The following INPP5A variants were observed in gnomAD, a reference collection of about 807,000 sequenced individuals.
The protein encoded by INPP5A is inositol polyphosphate-5-phosphatase A.
Under a neutral mutation model 65.2 loss-of-function variants are expected in INPP5A, and 14 were observed. The ratio of observed to expected loss-of-function variants is 0.21; its 90% confidence interval spans 0.14 to 0.34. The LOEUF is 0.34. Ranked by LOEUF, INPP5A falls within the 10% of genes least tolerant of loss-of-function variation. The pLI is 1.00. For missense variants in INPP5A, 431 were observed against 545.6 expected, an observed-to-expected ratio of 0.79 and a Z score of 2.09; for synonymous variants, 207 against 208.3, an observed-to-expected ratio of 0.99 and a Z score of 0.05.
intron 8 of INPP5A, among the ~76,000 whole-genome samples, chr10:132,716,138 G>C (rs1268178745): frequency 6.6e-6 from 1 of 152,244 alleles, no homozygotes; most frequent in African/African-American, 2.4e-5. Context: ...TGCAGGGGCA[G>C]CGCCTGCACC....
chr10:132,546,247 C>T lies in INPP5A; in HGVS notation c.75+8076C>T, dbSNP rs1389211300. On this transcript the variant is annotated intron_variant, in intron 1 of 15. Transcript: ENST00000368594. This position sits in a 1 kb window ranked among gnomAD's most constrained non-coding sequence, Gnocchi z 5.7. ...CGCTCCCAGCCCGCGGGGGTCTTGG[C>T]GTTGGCGCAGAAGTGGTTTCCCAGC... 2.0e-5 allele frequency among the ~76,000 whole-genome samples: 3 copies of T among 152,310 alleles called. No individual in the cohort carries two copies. Among genetic ancestry groups the T allele is most frequent in the East Asian group, 3.9e-4 (2 of 5,176 alleles).
At chr10:132,573,413 T>G (rs556678983) in intron 1 of INPP5A, among the ~76,000 whole-genome samples, 31 of 115,812 alleles carry the variant, frequency 2.7e-4, no homozygotes, top group East Asian at 1.1e-3. Flanking sequence ...GCGTGCCGTG[T>G]GAGGTTTTGT....
At chr10:132,710,555 G>A (rs1173800939) in intron 8 of INPP5A, 99 bp downstream of exon 8, 2 of 1,509,988 alleles carry the variant, frequency 1.3e-6, no homozygotes, top group African/African-American at 1.4e-5. Context: ...AAGTAGGTAT[G>A]CTGGGCAGGT....
At chr10:132,679,619 G>C (rs1046596898) in intron 4 of INPP5A, among the ~76,000 whole-genome samples, 1 of 152,168 alleles carries the variant, frequency 6.6e-6, no homozygotes. Context: ...TTTGGAGGAG[G>C]GTGGAGGGCG....
In INPP5A at chr10:132,697,550, G is replaced by A. The variant is rs1845364535; in HGVS notation, c.371-266G>A. ...TAAAAGAGGATGCCAATTAGCTCCTGTAAATCTGCAGTCTGGGAGCTCTCA... is the reference window on the plus strand; with the variant it reads ...TAAAAGAGGATGCCAATTAGCTCCTATAAATCTGCAGTCTGGGAGCTCTCA... On this transcript the variant is annotated intron_variant, in intron 5 of 15. Coordinates refer to ENST00000368594, the MANE Select transcript of INPP5A (RefSeq NM_005539.5). This position sits in a 1 kb window ranked among gnomAD's most constrained non-coding sequence, Gnocchi z 5.6. 6.6e-6 allele frequency among the ~76,000 whole-genome samples: 1 copy of A among 152,224 alleles called. No individual in the cohort carries two copies. Among genetic ancestry groups the A allele is most frequent in the African/African-American group, 2.4e-5 (1 of 41,456 alleles).
At chr10:132,708,409 C>T (rs1166730069) in intron 7 of INPP5A, 44 bp downstream of exon 7, 1 of 1,575,344 alleles carries the variant, frequency 6.3e-7, no homozygotes, top group East Asian at 2.2e-5. Context: ...ACGTTTCTTA[C>T]CCTTTTATAT....
At chr10:132,558,310 C>T (rs903573764) in intron 1 of INPP5A, among the ~76,000 whole-genome samples, 1 of 152,226 alleles carries the variant, frequency 6.6e-6, no homozygotes, top group Admixed American at 6.5e-5. Context: ...GCTCTCCCCC[C>T]CGGCCCACGC....
chr10:132,752,321 A>C (rs1160227071), intron 11 of INPP5A, among the ~76,000 whole-genome samples: 2 of 151,706 alleles, frequency 1.3e-5, no homozygotes, highest in Non-Finnish European at 2.9e-5. Flanking sequence ...ATGTTTTGGA[A>C]GGAGCTAGGA....
chr10:132,578,958 G>T (rs949115230), intron 1 of INPP5A, among the ~76,000 whole-genome samples: 3 of 152,186 alleles, frequency 2.0e-5, no homozygotes, highest in African/African-American at 7.2e-5. Context: ...ACAGGCTCTG[G>T]GTTTAAGTGC....
intron 1 of INPP5A, among the ~76,000 whole-genome samples, chr10:132,541,187 G>A (rs961020171): frequency 2.6e-5 from 4 of 152,082 alleles, no homozygotes; most frequent in African/African-American, 4.8e-5. Flanking sequence ...CGTGTTGTCC[G>A]GGCTGGTCTG....
At chr10:132,691,595 C>T (rs1845262963) in intron 5 of INPP5A, among the ~76,000 whole-genome samples, 1 of 152,254 alleles carries the variant, frequency 6.6e-6, no homozygotes, top group South Asian at 2.1e-4. Flanking sequence ...TTAAATCAGT[C>T]ATAAAGTGCC....
chr10:132,540,935 GTTTGCT>G (rs956549073), intron 1 of INPP5A, among the ~76,000 whole-genome samples: 4 of 152,210 alleles, frequency 2.6e-5, no homozygotes, highest in African/African-American at 9.7e-5. Context: ...GTGATAGGTG[GTTTGCT>G]TTTGCTTTTG....
At position 132,538,211 on chromosome 10, in the gene INPP5A, C is replaced by T; in HGVS notation, c.75+40C>T. 1 of 1,195,432 alleles carries T rather than the reference C, an allele frequency of 8.4e-7. No individual in the cohort carries two copies. Among genetic ancestry groups the T allele is most frequent in the African/African-American group, 1.6e-5 (1 of 63,512 alleles). 74.1% of individuals were successfully genotyped at this position (1,195,432 alleles called of 1,614,324 possible). A position where few individuals can be genotyped will look rare whatever the true frequency, so the allele number is the denominator to read the frequency against. On this transcript the variant is annotated intron_variant, in intron 1 of 15. Coordinates refer to ENST00000368594, the MANE Select transcript of INPP5A (RefSeq NM_005539.5). This position sits in a 1 kb window ranked among gnomAD's most constrained non-coding sequence, Gnocchi z 4.1. ...CCGGCGGCAGGCCCCAAGCCCGGAA[C>T]CCCCGACCCTGACCCCGGGGTCCCG...
At chr10:132,739,067 CGCCCCGCAGCCCTCCCAGCAAACCCT>C (rs1846228509) in intron 9 of INPP5A, among the ~76,000 whole-genome samples, 2 of 152,142 alleles carry the variant, frequency 1.3e-5, no homozygotes, top group Non-Finnish European at 2.9e-5. Context: ...TCTGAGGGCC[CGCCCCGCAGCCCTCCCAGCAAACCCT>C]GCCCCACAGC....
intron 11 of INPP5A, among the ~76,000 whole-genome samples, chr10:132,756,167 G>C (rs541439703): frequency 6.6e-6 from 1 of 152,174 alleles, no homozygotes; most frequent in East Asian, 1.9e-4. Flanking sequence ...AGCAAGTGTG[G>C]GGGGGGAGTG....
At position 132,549,953 on chromosome 10, in the gene INPP5A, C is replaced by T. The variant is rs1199808479; in HGVS notation, c.75+11782C>T. On this transcript the variant is annotated intron_variant, in intron 1 of 15. Transcript: ENST00000368594. The surrounding 1 kb of genome is among the most constrained non-coding windows in gnomAD (Gnocchi z 4.9). ...ATGGGGTCAGCCTCGAGTTACTAACCGGGCATTAGGGGATGGGGTCAGCCT... is the reference window on the plus strand; with the variant it reads ...ATGGGGTCAGCCTCGAGTTACTAACTGGGCATTAGGGGATGGGGTCAGCCT... 8.8e-6 allele frequency among the ~76,000 whole-genome samples: 1 copy of T among 114,012 alleles called. No individual in the cohort carries two copies. Among genetic ancestry groups the T allele is most frequent in the Non-Finnish European group, 1.8e-5 (1 of 54,728 alleles). The allele number at this position is 114,012 out of a possible 152,430, so 74.8% of individuals were successfully genotyped here. A position where few individuals can be genotyped will look rare whatever the true frequency, so the allele number is the denominator to read the frequency against.
rs991904701 is a variant in INPP5A, at chr10:132,705,647, C to T, written c.475-2666C>T. ...CTGCTCTGAAAAATAAAGCCTATTA[C>T]TTCTTTAAAAGTCTGCTTACCTGGG... is the stretch of plus-strand genomic sequence containing the variant. On this transcript the variant is annotated intron_variant, in intron 6 of 15. Coordinates refer to ENST00000368594, the MANE Select transcript of INPP5A (RefSeq NM_005539.5). The surrounding 1 kb of genome is among the most constrained non-coding windows in gnomAD (Gnocchi z 4.9). Among the ~76,000 whole-genome samples, 20 of 152,234 alleles carry T rather than the reference C, an allele frequency of 1.3e-4. No homozygotes were observed. Among genetic ancestry groups the T allele is most frequent in the African/African-American group, 4.8e-4 (20 of 41,460 alleles).
chr10:132,596,551 C>A (rs1485562824), intron 1 of INPP5A, among the ~76,000 whole-genome samples: 1 of 152,104 alleles, frequency 6.6e-6, no homozygotes, highest in African/African-American at 2.4e-5. Context: ...CCTCAGCCTC[C>A]TGAGTAGCTG....
intron 1 of INPP5A, among the ~76,000 whole-genome samples, chr10:132,590,680 C>A (rs1043325610): frequency 6.6e-6 from 1 of 152,200 alleles, no homozygotes; most frequent in Non-Finnish European, 1.5e-5. Context: ...TGAGTCCCCT[C>A]TTCCTCTTCC....
Sources: gnomAD v4.1 joint callset for allele counts (sites outside exome capture counted in the v4.1 genomes callset) on GRCh38, gnomAD v4.1.1 for gene constraint, Gnocchi (gnomAD v3.1) non-coding constraint, MANE v1.5 for transcripts, NCBI Gene and HGNC (gene_info 2026-07-23, HGNC 2026-07-21) for gene names.